The following SSBP2 variants were observed in gnomAD, a reference collection of about 807,000 sequenced individuals.
The protein encoded by SSBP2 is single-stranded DNA-binding protein 2.
Under a neutral mutation model 61.8 loss-of-function variants are expected in SSBP2, and 17 were observed. The ratio of observed to expected loss-of-function variants is 0.28; its 90% CI spans 0.19 to 0.41. The LOEUF is 0.41. SSBP2 is among the 10% of genes least tolerant of loss of function. The pLI is 1.00. For synonymous variants in SSBP2, 139 were observed against 141.3 expected, an observed-to-expected ratio of 0.98 and a Z score of 0.12; for missense variants, 310 against 458.7, an observed-to-expected ratio of 0.68 and a Z score of 2.96.
chr5:81,703,226 T>G (rs1459526426), intron 1 of SSBP2, among the ~76,000 whole-genome samples: 1 of 152,242 alleles, frequency 6.6e-6, no homozygotes, highest in Non-Finnish European at 1.5e-5. Context: ...AAAATTAGAT[T>G]TTAAAGTAAG....
chr5:81,494,667 A>C (rs1767155482), intron 5 of SSBP2, among the ~76,000 whole-genome samples: 1 of 152,184 alleles, frequency 6.6e-6, no homozygotes, highest in African/African-American at 2.4e-5. Context: ...CAGAACTCCA[A>C]AGAATAAATT....
At chr5:81,654,382 G>C (rs959672218) in intron 1 of SSBP2, among the ~76,000 whole-genome samples, 1 of 152,154 alleles carries the variant, frequency 6.6e-6, no homozygotes, top group African/African-American at 2.4e-5. Context: ...CAATTTCCCT[G>C]AAAGTCAGTT....
At chr5:81,744,411 G>T (rs148928869) in intron 1 of SSBP2, among the ~76,000 whole-genome samples, 1 of 152,148 alleles carries the variant, frequency 6.6e-6, no homozygotes, top group East Asian at 1.9e-4. Context: ...TTTCAGGTAA[G>T]AGCCTTTTTC....
At chr5:81,732,897 T>C (rs1756361894) in intron 1 of SSBP2, among the ~76,000 whole-genome samples, 1 of 152,202 alleles carries the variant, frequency 6.6e-6, no homozygotes. Context: ...CACTGCTGGG[T>C]AAGTGATCTC....
At chr5:81,696,433 T>C (rs1022487567) in intron 1 of SSBP2, among the ~76,000 whole-genome samples, 3 of 152,118 alleles carry the variant, frequency 2.0e-5, no homozygotes, top group Non-Finnish European at 1.5e-5. Context: ...TCACTGCCGA[T>C]GAGCTACACG....
chr5:81,731,047 A>C (rs75814047), intron 1 of SSBP2, among the ~76,000 whole-genome samples: 6,885 of 152,312 alleles, frequency 0.045, 230 homozygotes, highest in Middle Eastern at 0.13. Flanking sequence ...TGCAAAACTG[A>C]AACTCTATAC....
intron 1 of SSBP2, among the ~76,000 whole-genome samples, chr5:81,735,384 AC>A (rs545160686): frequency 1.2e-3 from 182 of 152,170 alleles, no homozygotes; most frequent in Non-Finnish European, 2.3e-3. Flanking sequence ...TTCCAGGGTC[AC>A]CCCCCACCCA....
chr5:81,606,899 C>T (rs1744930077), intron 4 of SSBP2, among the ~76,000 whole-genome samples: 1 of 152,144 alleles, frequency 6.6e-6, no homozygotes, highest in Non-Finnish European at 1.5e-5. Flanking sequence ...AGCAAGTTCC[C>T]AATGTTGTTT....
intron 4 of SSBP2, among the ~76,000 whole-genome samples, chr5:81,516,079 T>C (rs1365514352): frequency 6.6e-6 from 1 of 151,922 alleles, no homozygotes; most frequent in African/African-American, 2.4e-5. Flanking sequence ...TTATCCATGA[T>C]CTAAGAAGAA....
At chr5:81,512,876 G>C (rs1233009850) in intron 5 of SSBP2, among the ~76,000 whole-genome samples, 1 of 151,892 alleles carries the variant, frequency 6.6e-6, no homozygotes, top group Non-Finnish European at 1.5e-5. Flanking sequence ...AATGCCTTTC[G>C]ACTCTAGTTC....
At chr5:81,740,191 CAT>C (rs138927454) in intron 1 of SSBP2, among the ~76,000 whole-genome samples, 1,742 of 151,958 alleles carry the variant, frequency 0.011, 7 homozygotes, top group African/African-American at 0.023. Context: ...CACACATACA[CAT>C]GTGTGTATAT....
chr5:81,486,205 T>C (rs370802749), intron 6 of SSBP2, among the ~76,000 whole-genome samples: 1 of 152,176 alleles, frequency 6.6e-6, no homozygotes, highest in South Asian at 2.1e-4. Context: ...AAAAACTTTT[T>C]ATTATCTTTA....
intron 5 of SSBP2, among the ~76,000 whole-genome samples, chr5:81,489,688 A>G (rs1766706073): frequency 6.6e-6 from 1 of 152,226 alleles, no homozygotes; most frequent in Admixed American, 6.5e-5. Flanking sequence ...CATTCTAAAT[A>G]GATACTTTTG....
At chr5:81,544,055 C>CT (rs1009292068) in intron 4 of SSBP2, among the ~76,000 whole-genome samples, 1 of 152,074 alleles carries the variant, frequency 6.6e-6, no homozygotes, top group Non-Finnish European at 1.5e-5. Flanking sequence ...TTCTTCCTTC[C>CT]TTTTTTTCCT....
chr5:81,437,023 A>G (rs1047764186), intron 15 of SSBP2, among the ~76,000 whole-genome samples: 2 of 152,194 alleles, frequency 1.3e-5, no homozygotes, highest in African/African-American at 4.8e-5. Context: ...CGTAAATGCA[A>G]TGCCTTTATG....
At chr5:81,734,574 A>AT (rs1756470226) in intron 1 of SSBP2, among the ~76,000 whole-genome samples, 1 of 152,232 alleles carries the variant, frequency 6.6e-6, no homozygotes, top group African/African-American at 2.4e-5. Flanking sequence ...CAGTGCAATC[A>AT]TTGTCTCTCC....
rs146803117 is a variant in SSBP2, at chr5:81,578,420, G to C, written c.282+37053C>G. Among the ~76,000 whole-genome samples, 475 of 151,906 alleles carry C rather than the reference G, an allele frequency of 3.1e-3. 3 individuals are homozygous for C. The highest frequency in any genetic ancestry group is 0.011 in the African/African-American group (442 of 41,436). ...CAGACTGACCTATTACGTTAATTAG[G>C]AAAAATTTTTACTTATAAAAAGTCA... On this transcript the variant is annotated intron_variant, in intron 4 of 16. Transcript: ENST00000320672.
chr5:81,601,170 G>C (rs569668314), intron 4 of SSBP2, among the ~76,000 whole-genome samples: 1 of 152,244 alleles, frequency 6.6e-6, no homozygotes, highest in South Asian at 2.1e-4. Flanking sequence ...TAAATGGAAG[G>C]CTTTGTTGGT....
chr5:81,615,761 A>C (rs1041632179), intron 3 of SSBP2, among the ~76,000 whole-genome samples: 6 of 152,228 alleles, frequency 3.9e-5, no homozygotes, highest in Non-Finnish European at 7.3e-5. Context: ...AATGCTAAAT[A>C]AGACTTTTAT....
Sources: gnomAD v4.1 joint callset for allele counts (sites outside exome capture counted in the v4.1 genomes callset) on GRCh38, gnomAD v4.1.1 for gene constraint, MANE v1.5 for transcripts, NCBI Gene and HGNC (gene_info 2026-07-23, HGNC 2026-07-21) for gene names.